Variants in ATRNL1 observed in about 807,000 individuals in gnomAD.
ATRNL1 encodes attractin-like protein 1.
ATRNL1 carries 95 observed loss-of-function variants against 182.7 expected under a neutral mutation model. The observed-to-expected ratio is 0.52, with a 90% CI of 0.44 to 0.62. ATRNL1 has a LOEUF of 0.62. Among genes scored for constraint, ATRNL1 ranks in the 20% least tolerant of loss-of-function variants. The pLI is 0.00. For synonymous variants in ATRNL1, 576 were observed against 568.3 expected, an observed-to-expected ratio of 1.01 and a Z score of -0.19; for missense variants, 1,471 against 1,679.5, an observed-to-expected ratio of 0.88 and a Z score of 2.17.
rs1853403586 is a variant in ATRNL1, at chr10:115,300,185, C to T, written c.2567C>T (p.Ala856Val). 5 of 1,614,060 alleles carry T rather than the reference C, an allele frequency of 3.1e-6. No individual in the cohort carries two copies. The East Asian group carries it at 1.1e-4, about 36-fold the overall frequency. The change falls in exon 16 of 29, where the codon GCA becomes GTA. Residue 856 changes from alanine (A) to valine (V), a missense_variant. By Grantham distance (64) the Ala-to-Val change is moderately conservative. This residue lies in a region of ATRNL1 where 1,031 missense variants were observed against 1,156.0 expected (regional missense o/e 0.89). Coordinates refer to ENST00000355044, the MANE Select transcript of ATRNL1 (RefSeq NM_207303.4). ...FCAYLERAAVAGLKANPCTSM... is the reference protein window; with the variant it reads ...FCAYLERAAVVGLKANPCTSM... ...GCATATCTGGAAAGGGCTGCAGTGGCAGGCTTAAAAGCTAATCCTTGTACA... is the reference window on the plus strand; with the variant it reads ...GCATATCTGGAAAGGGCTGCAGTGGTAGGCTTAAAAGCTAATCCTTGTACA...
At chr10:115,815,415 A>ATATGTGTG (rs1555088277) in intron 27 of ATRNL1, among the ~76,000 whole-genome samples, 15 of 142,948 alleles carry the variant, frequency 1.0e-4, no homozygotes, top group Non-Finnish European at 3.0e-5. Flanking sequence ...GTGTGTGTGT[A>ATATGTGTG]TGTGTGTGTG....
At chr10:115,899,177 A>G (rs782782165) in intron 28 of ATRNL1, among the ~76,000 whole-genome samples, 1 of 151,952 alleles carries the variant, frequency 6.6e-6, no homozygotes, top group Non-Finnish European at 1.5e-5. Context: ...TCATTGTTCA[A>G]TTCCCATCTA....
intron 26 of ATRNL1, among the ~76,000 whole-genome samples, chr10:115,668,133 G>C (rs1209589141): frequency 6.6e-6 from 1 of 152,028 alleles, no homozygotes. Flanking sequence ...CTTTCTCCAT[G>C]ACTTTCTTGC....
intron 28 of ATRNL1, among the ~76,000 whole-genome samples, chr10:115,902,382 C>G (rs531192843): frequency 6.6e-6 from 1 of 151,884 alleles, no homozygotes; most frequent in Non-Finnish European, 1.5e-5. Context: ...TTTTAAAAGC[C>G]GCATAGTGTG....
At chr10:115,423,646 T>G (rs2134385191) in intron 20 of ATRNL1, among the ~76,000 whole-genome samples, 1 of 152,284 alleles carries the variant, frequency 6.6e-6, no homozygotes, top group South Asian at 2.1e-4. Context: ...ACCATCTGAT[T>G]TTTGGCAAAA....
intron 14 of ATRNL1, among the ~76,000 whole-genome samples, chr10:115,283,134 T>C (rs111802446): frequency 0.013 from 1,929 of 152,180 alleles, 37 homozygotes; most frequent in African/African-American, 0.04. Flanking sequence ...GCCATTGCGG[T>C]CAGGTACGGT....
At chr10:115,706,513 A>G (rs1555053102) in intron 26 of ATRNL1, among the ~76,000 whole-genome samples, 2 of 151,834 alleles carry the variant, frequency 1.3e-5, no homozygotes, top group Admixed American at 1.3e-4. Context: ...CACAGCTACT[A>G]TCTGACCAAA....
intron 26 of ATRNL1, among the ~76,000 whole-genome samples, chr10:115,553,235 T>G (rs1414633): frequency 6.6e-6 from 1 of 150,812 alleles, no homozygotes; most frequent in Non-Finnish European, 1.5e-5. Context: ...TTTTGAGTTG[T>G]TTAAATGTAG....
chr10:115,139,235 C>A (rs1554877419), intron 5 of ATRNL1, among the ~76,000 whole-genome samples: 2 of 152,178 alleles, frequency 1.3e-5, no homozygotes, highest in Non-Finnish European at 2.9e-5. Flanking sequence ...TTCTTCTGAG[C>A]CTTTCAAAGC....
chr10:115,754,427 G>A (rs1297673203), intron 27 of ATRNL1, among the ~76,000 whole-genome samples: 3 of 152,072 alleles, frequency 2.0e-5, no homozygotes, highest in African/African-American at 7.2e-5. Context: ...TATTAAATAG[G>A]GAATCCTTTC....
At chr10:115,623,712 G>A (rs1304506443) in intron 26 of ATRNL1, among the ~76,000 whole-genome samples, 1 of 152,068 alleles carries the variant, frequency 6.6e-6, no homozygotes, top group Non-Finnish European at 1.5e-5. Context: ...ACTAATAAAT[G>A]AGAGAGACTG....
At chr10:115,740,396 G>A (rs2134094601) in intron 27 of ATRNL1, among the ~76,000 whole-genome samples, 1 of 152,210 alleles carries the variant, frequency 6.6e-6, no homozygotes, top group African/African-American at 2.4e-5. Flanking sequence ...AAAGTTGGGT[G>A]CAGCAGCACA....
chr10:115,276,784 C>T (rs1852124518), intron 13 of ATRNL1, among the ~76,000 whole-genome samples: 1 of 152,076 alleles, frequency 6.6e-6, no homozygotes. Context: ...GCCAAAAATG[C>T]CAGCTATGTT....
At chr10:115,777,628 A>G (rs1555078289) in intron 27 of ATRNL1, among the ~76,000 whole-genome samples, 2 of 152,194 alleles carry the variant, frequency 1.3e-5, no homozygotes, top group Admixed American at 6.5e-5. Flanking sequence ...GAAATCCAGC[A>G]TACAATTCTA....
intron 5 of ATRNL1, among the ~76,000 whole-genome samples, chr10:115,140,539 A>G (rs144767404): frequency 1.2e-4 from 19 of 152,212 alleles, no homozygotes; most frequent in African/African-American, 3.9e-4. Context: ...TTTTTTTCCT[A>G]TTCTACAGAG....
chr10:115,400,320 T>C (rs1239411865), intron 20 of ATRNL1, among the ~76,000 whole-genome samples: 1 of 152,136 alleles, frequency 6.6e-6, no homozygotes, highest in Non-Finnish European at 1.5e-5. Context: ...ACTGTAATGA[T>C]TTCAGTTCTT....
chr10:115,494,287 T>G (rs1451679591), intron 24 of ATRNL1, among the ~76,000 whole-genome samples: 4 of 152,180 alleles, frequency 2.6e-5, no homozygotes, highest in African/African-American at 4.8e-5. Flanking sequence ...TGAAGAGAGA[T>G]AGTTTGACTT....
At chr10:115,783,726 G>C (rs1344758213) in intron 27 of ATRNL1, among the ~76,000 whole-genome samples, 1 of 152,098 alleles carries the variant, frequency 6.6e-6, no homozygotes, top group Admixed American at 6.5e-5. Flanking sequence ...ATTATAAAGT[G>C]ATTCGGGGCC....
intron 25 of ATRNL1, among the ~76,000 whole-genome samples, chr10:115,531,032 G>A (rs1851548039): frequency 1.3e-5 from 2 of 151,980 alleles, no homozygotes; most frequent in South Asian, 4.1e-4. Flanking sequence ...TGTCATTATT[G>A]GACATTTGGG....
Sources: allele counts gnomAD v4.1 joint callset (sites outside exome capture counted in the v4.1 genomes callset), GRCh38; gene constraint gnomAD v4.1.1; regional missense constraint gnomAD v4.1.1; transcripts MANE v1.5; gene names NCBI Gene and HGNC (gene_info 2026-07-23, HGNC 2026-07-21).